Variants in NKAIN2 observed in about 807,000 individuals in gnomAD.
NKAIN2 encodes the protein sodium/potassium-transporting ATPase subunit beta-1-interacting protein 2.
NKAIN2 carries 14 observed loss-of-function variants against 32.6 expected under a neutral mutation model. The ratio of observed to expected loss-of-function variants is 0.43; its 90% CI spans 0.28 to 0.67. The LOEUF is 0.67. Among genes scored for constraint, NKAIN2 ranks in the 30% least tolerant of loss-of-function variants. NKAIN2 has a pLI of 0.17. For synonymous variants in NKAIN2, 80 were observed against 87.2 expected, an observed-to-expected ratio of 0.92 and a Z score of 0.46; for missense variants, 198 against 258.3, an observed-to-expected ratio of 0.77 and a Z score of 1.60.
intron 3 of NKAIN2, among the ~76,000 whole-genome samples, chr6:124,440,400 A>T (rs1390149798): frequency 3.3e-5 from 5 of 152,076 alleles, no homozygotes. Flanking sequence ...TTATACTTTC[A>T]CCATTAGTCC....
chr6:123,941,716 A>T (rs539854348), intron 1 of NKAIN2, among the ~76,000 whole-genome samples: 17 of 152,132 alleles, frequency 1.1e-4, no homozygotes, highest in African/African-American at 4.1e-4. Flanking sequence ...TAGCATTTCC[A>T]AGAATCTGTT....
In NKAIN2 at chr6:123,804,120, C is replaced by T. The variant is rs1773112422; in HGVS notation, c.-81C>T. ...CCCTCGGCAGGTTTGCGTGTCCTTC[C>T]CCGCGATCTGATTGGATAAAGTGGG... On this transcript the variant is annotated 5_prime_UTR_variant, in exon 1 of 7. Transcript: ENST00000368417. The T allele has an allele frequency of 7.5e-6, 10 of 1,336,242 alleles. No homozygotes were observed. In the South Asian group the frequency reaches 1.2e-4, roughly 16 times the overall value. The allele number at this position is 1,336,242 out of a possible 1,614,324, so 82.8% of individuals were successfully genotyped here.
intron 3 of NKAIN2, among the ~76,000 whole-genome samples, chr6:124,411,933 G>T (rs997892997): frequency 4.6e-5 from 7 of 151,416 alleles, no homozygotes; most frequent in South Asian, 2.1e-4. Flanking sequence ...CATTCATTTT[G>T]TCTTCCATCG....
intron 3 of NKAIN2, among the ~76,000 whole-genome samples, chr6:124,478,895 A>G (rs1424726472): frequency 6.6e-6 from 1 of 152,134 alleles, no homozygotes; most frequent in Non-Finnish European, 1.5e-5. Flanking sequence ...AACCTGAAAA[A>G]CATCACTTTA....
Position 124,705,458 on chromosome 6 carries a change from G to A in NKAIN2, c.474+47072G>A, listed in dbSNP as rs566215355. On this transcript the variant is annotated intron_variant, in intron 4 of 6. Coordinates refer to ENST00000368417, the MANE Select transcript of NKAIN2 (RefSeq NM_001040214.3). ...TCTGTCACAGACTGATGTGGGGATA[G>A]TGAACATTGTAAGAAAGAATTGAAC... Among the ~76,000 whole-genome samples the A allele has an allele frequency of 2.0e-4, 31 of 152,190 alleles. No individual in the cohort carries two copies. The South Asian group carries it at 3.5e-3, about 17-fold the overall frequency.
chr6:124,300,521 G>A (rs1796250211), intron 2 of NKAIN2, among the ~76,000 whole-genome samples: 1 of 152,192 alleles, frequency 6.6e-6, no homozygotes, highest in African/African-American at 2.4e-5. Context: ...ACCAGAAAAT[G>A]TGGAAGTGAC....
At chr6:124,337,638 A>C (rs1405745377) in intron 2 of NKAIN2, among the ~76,000 whole-genome samples, 2 of 152,242 alleles carry the variant, frequency 1.3e-5, no homozygotes, top group Non-Finnish European at 2.9e-5. Flanking sequence ...TTGCTGAGCA[A>C]TTAATTGGAT....
At chr6:124,395,238 C>T (rs1773327710) in intron 3 of NKAIN2, among the ~76,000 whole-genome samples, 2 of 152,146 alleles carry the variant, frequency 1.3e-5, no homozygotes, top group Admixed American at 1.3e-4. Context: ...CCTATTCCCA[C>T]AGGATGAACA....
At chr6:124,161,116 G>A (rs989129955) in intron 1 of NKAIN2, among the ~76,000 whole-genome samples, 4 of 152,114 alleles carry the variant, frequency 2.6e-5, no homozygotes, top group Non-Finnish European at 5.9e-5. Context: ...TAATTTATAA[G>A]AAAAGAGGTT....
Position 124,774,631 on chromosome 6 carries a change from A to T in NKAIN2, c.475-16708A>T, listed in dbSNP as rs141503949. Reference sequence around the variant, plus strand: ...ATCACTTTGGGAGACTGAGGCAGGCAGACCACCCAAGGTTTGGAGTTTGAG... The same window carrying T: ...ATCACTTTGGGAGACTGAGGCAGGCTGACCACCCAAGGTTTGGAGTTTGAG... On this transcript the variant is annotated intron_variant, in intron 4 of 6. Coordinates refer to ENST00000368417, the MANE Select transcript of NKAIN2 (RefSeq NM_001040214.3). Among the ~76,000 whole-genome samples, 629 of 152,164 alleles carry T rather than the reference A, an allele frequency of 4.1e-3. 3 individuals are homozygous for T. The highest frequency in any genetic ancestry group is 0.015 in the African/African-American group (608 of 41,538).
intron 1 of NKAIN2, among the ~76,000 whole-genome samples, chr6:123,988,336 A>G: frequency 6.6e-6 from 1 of 152,222 alleles, no homozygotes; most frequent in South Asian, 2.1e-4. Flanking sequence ...GTCTTCATAA[A>G]GGAAGGACAT....
chr6:124,655,167 T>C (rs995589285), intron 3 of NKAIN2, among the ~76,000 whole-genome samples: 1 of 152,048 alleles, frequency 6.6e-6, no homozygotes, highest in African/African-American at 2.4e-5. Context: ...AAATTAGTAT[T>C]AGGAAAGAAG....
At chr6:124,536,000 A>C (rs541250677) in intron 3 of NKAIN2, among the ~76,000 whole-genome samples, 1 of 152,338 alleles carries the variant, frequency 6.6e-6, no homozygotes, top group South Asian at 2.1e-4. Flanking sequence ...ATGGGCAGCT[A>C]GCCATGGCAG....
intron 3 of NKAIN2, among the ~76,000 whole-genome samples, chr6:124,500,338 T>C (rs1395183324): frequency 6.7e-6 from 1 of 149,794 alleles, no homozygotes; most frequent in Non-Finnish European, 1.5e-5. Flanking sequence ...ATGACAACCC[T>C]TTTTTTTTAA....
At chr6:124,103,232 A>C (rs2114953738) in intron 1 of NKAIN2, among the ~76,000 whole-genome samples, 1 of 152,322 alleles carries the variant, frequency 6.6e-6, no homozygotes, top group East Asian at 1.9e-4. Context: ...CATTTTGAGT[A>C]ATGTTGTTAA....
intron 1 of NKAIN2, among the ~76,000 whole-genome samples, chr6:124,169,112 T>C (rs972403005): frequency 6.6e-6 from 1 of 152,164 alleles, no homozygotes; most frequent in Non-Finnish European, 1.5e-5. Context: ...CAGACACATA[T>C]ATGTACATTT....
chr6:124,420,928 AAGT>A (rs1430410694), intron 3 of NKAIN2, among the ~76,000 whole-genome samples: 11 of 152,040 alleles, frequency 7.2e-5, no homozygotes, highest in Admixed American at 2.0e-4. Flanking sequence ...ACTAGAAAAA[AAGT>A]AGATGGCTGC....
intron 3 of NKAIN2, among the ~76,000 whole-genome samples, chr6:124,516,003 G>A (rs1401051963): frequency 6.6e-6 from 1 of 152,096 alleles, no homozygotes; most frequent in African/African-American, 2.4e-5. Flanking sequence ...GTTATGCGAT[G>A]ATTTCTTCAA....
Position 124,669,329 on chromosome 6 carries a change from G to C in NKAIN2, c.474+10943G>C, listed in dbSNP as rs538073340. On this transcript the variant is annotated intron_variant, in intron 4 of 6. Transcript: ENST00000368417. Reference sequence around the variant, plus strand: ...GGTATGAAGCACTGTACATACAGGGGTGAGTCAAAGTCTTTGCTGTCAGGT... The same window carrying C: ...GGTATGAAGCACTGTACATACAGGGCTGAGTCAAAGTCTTTGCTGTCAGGT... Among the ~76,000 whole-genome samples, 134 of 152,264 alleles carry C rather than the reference G, an allele frequency of 8.8e-4. 1 individual carries two copies. Among genetic ancestry groups the C allele is most frequent in the African/African-American group, 1.4e-3 (59 of 41,568 alleles).
Sources: allele counts gnomAD v4.1 joint callset (sites outside exome capture counted in the v4.1 genomes callset), GRCh38; gene constraint gnomAD v4.1.1; transcripts MANE v1.5; gene names NCBI Gene and HGNC (gene_info 2026-07-23, HGNC 2026-07-21).